ZNF646: variants seen among roughly 807,000 people sequenced by gnomAD.
ZNF646 encodes the protein zinc finger protein 646.
Under a neutral mutation model 115.4 loss-of-function variants are expected in ZNF646, and 49 were observed. The observed-to-expected ratio is 0.42, with a 90% CI of 0.34 to 0.54. The LOEUF (loss-of-function observed/expected upper bound fraction) is 0.54. ZNF646 is among the 20% of genes least tolerant of loss of function. The pLI, the probability that ZNF646 is intolerant of heterozygous loss-of-function variation, is 0.04. For missense variants in ZNF646, 2,269 were observed against 2,457.9 expected (o/e 0.92, Z 1.62); for synonymous variants, 933 against 939.0 (o/e 0.99, Z 0.12).
Position 31,080,813 on chromosome 16 carries a change from CCTTGCCACGCTGGTGACTGCCAGCTCAA to C in ZNF646, c.4490_4517del (p.Pro1497LeufsTer5). 1 of 1,614,116 alleles carries C rather than the reference CCTTGCCACGCTGGTGACTGCCAGCTCAA, an allele frequency of 6.2e-7. No individual in the cohort carries two copies. The highest frequency in any genetic ancestry group is 8.5e-7 in the Non-Finnish European group (1 of 1,180,018). ...GCCAGAGGACAGTGTCCACAGGAGT[CCTTGCCACGCTGGTGACTGCCAGCTCAA>C]TGGACCTACTCTGAGTCACATGGAT... On this transcript the variant is annotated frameshift_variant, in exon 2 of 3. Coordinates refer to ENST00000300850, the MANE Select transcript of ZNF646 (RefSeq NM_014699.4). LOFTEE classifies it high-confidence loss of function.
At chr16:31,073,313 G>A (rs2143786283), upstream of ZNF646, 1 of 152,572 alleles carries the variant, frequency 6.6e-6, no homozygotes, top group Non-Finnish European at 1.5e-5. Context: ...AGCAGGGGAG[G>A]GGGCCGCCGG....
chr16:31,080,916 C>T lies in ZNF646; in HGVS notation c.4592C>T (p.Ser1531Phe), dbSNP rs1348749083. Residue 1531 changes from serine to phenylalanine, a missense_variant, in exon 2 of 3, where the codon TCC (serine) becomes TTC (phenylalanine). By Grantham distance (155) the Ser-to-Phe change is radical. Coordinates refer to ENST00000300850, the MANE Select transcript of ZNF646 (RefSeq NM_014699.4). ...TCTCAGCTGCAGCCAGGGAGCCACT[C>T]CTCTTGCAGCCAGTGTGGCAAGACT... The part of the protein sequence containing the change: ...NSSQLQPGSH[S>F]SCSQCGKTYC... 6.2e-7 allele frequency: 1 copy of T among 1,614,116 alleles called. No homozygotes were observed. Among genetic ancestry groups the T allele is most frequent in the African/African-American group, 1.3e-5 (1 of 75,056 alleles).
chr16:31,081,458 C>G lies in ZNF646; in HGVS notation c.5134C>G (p.Leu1712Val). 6.2e-7 allele frequency: 1 copy of G among 1,614,224 alleles called. No individual in the cohort carries two copies. The highest frequency in any genetic ancestry group is 8.5e-7 in the Non-Finnish European group (1 of 1,180,038). The change falls in exon 2 of 3, where the codon CTT becomes GTT. Residue 1712 changes from leucine (L) to valine (V), a missense_variant. Around this residue, in one of 5 missense-constraint regions of ZNF646, gnomAD observed 1,062 missense variants for 1,172.8 expected, o/e 0.91. Transcript: ENST00000300850. ...GTACCCGTGCTCCCTCTGTCCCAAA[C>G]TTCTCCCTAACCTGCTGTCTCTTAA... ...GLYPCSLCPKLLPNLLSLKNH... is the reference protein window; with the variant it reads ...GLYPCSLCPKVLPNLLSLKNH...
rs2057093252 is a variant in ZNF646 at position 31,077,501 on chromosome 16, C to T, written c.1177C>T (p.Arg393Ter). Residue 393 changes from arginine (R) to a stop codon, truncating the protein, a stop_gained, in exon 2 of 3, where the codon CGA becomes TGA. Coordinates refer to ENST00000300850, the MANE Select transcript of ZNF646 (RefSeq NM_014699.4). LOFTEE classifies it high-confidence loss of function. ...CCATGCTGGGAGCCTCATCAACCAT[C>T]GAAAGAGCCACCAGACAGGTGTCTA... Reference protein sequence around the residue: ...YRHAGSLINHRKSHQTGVYPC... With the variant: ...YRHAGSLINH 1 of 1,613,440 alleles carries T rather than the reference C, an allele frequency of 6.2e-7. No individual in the cohort carries two copies. The highest frequency in any genetic ancestry group is 8.5e-7 in the Non-Finnish European group (1 of 1,179,916).
rs1470331590 is a variant in ZNF646, at chr16:31,080,591, G to A, written c.4267G>A (p.Ala1423Thr). The part of the protein sequence containing the change: ...SQGLETQLGG[A>T]EPVPHLEDGV... ...GGGACTAGAGACCCAATTGGGTGGT[G>A]CTGAGCCAGTACCCCACTTGGAGGA... is the stretch of plus-strand genomic sequence containing the variant. Residue 1423 changes from alanine to threonine, a missense_variant, in exon 2 of 3, where the codon GCT (alanine) becomes ACT (threonine). Around this residue, in one of 5 missense-constraint regions of ZNF646, gnomAD observed 1,062 missense variants for 1,172.8 expected, o/e 0.91. Coordinates refer to ENST00000300850, the MANE Select transcript of ZNF646 (RefSeq NM_014699.4). The A allele has an allele frequency of 1.2e-6, 2 of 1,614,178 alleles. No homozygotes were observed. The highest frequency in any genetic ancestry group is 3.3e-5 in the Admixed American group (2 of 60,028).
In ZNF646 at chr16:31,078,057, G is replaced by A. The variant is rs373805577; in HGVS notation, c.1733G>A (p.Ser578Asn). The change falls in exon 2 of 3, where the codon AGC (serine) becomes AAC (asparagine). Residue 578 changes from serine (S) to asparagine (N), a missense_variant. Physicochemically the swap from Ser to Asn is conservative, Grantham distance 46. Transcript: ENST00000300850. The part of the protein sequence containing the change: ...AADKTAAHIC[S>N]ICGLLFEDAE... ...GACAAGACAGCAGCACATATCTGTA[G>A]CATCTGTGGGCTGCTCTTTGAAGAC... 5.0e-6 allele frequency: 8 copies of A among 1,614,230 alleles called. No homozygotes were observed. In the African/African-American group the frequency reaches 9.3e-5, roughly 19 times the overall value.
At chr16:31,082,285 T>G (rs1224033472) in intron 2 of ZNF646, 1 of 173,620 alleles carries the variant, frequency 5.8e-6, no homozygotes. Context: ...AAACTAGACC[T>G]CTGGTCCTTC....
At position 31,075,133 on chromosome 16, in the gene ZNF646, G is replaced by A. The variant is rs188842748; in HGVS notation, c.-80+502G>A. 3.7e-4 allele frequency among the ~76,000 whole-genome samples: 56 copies of A among 152,178 alleles called. 1 individual carries two copies. The highest frequency in any genetic ancestry group is 1.3e-3 in the African/African-American group (56 of 41,530). On this transcript the variant is annotated intron_variant, in intron 1 of 2. Transcript: ENST00000300850. ...ATCATCAGTATTAAGAGAGGAGGCA[G>A]AAGAAAAAAATGAGAAAGACTGGTG... is the stretch of plus-strand genomic sequence containing the variant.
rs2057201447 is a variant in ZNF646, at chr16:31,084,189, C to T, written c.*1097C>T. 1.2e-6 allele frequency: 2 copies of T among 1,609,698 alleles called. No homozygotes were observed. Among genetic ancestry groups the T allele is most frequent in the Non-Finnish European group, 1.7e-6 (2 of 1,178,320 alleles). ...CCTCGGCGAAGTAGACCTGCCAGTC[C>T]AAACTGCTGACCCAGTCCTCATAGG... is the stretch of plus-strand genomic sequence containing the variant. On this transcript the variant is annotated 3_prime_UTR_variant, in exon 3 of 3. Coordinates refer to ENST00000300850, the MANE Select transcript of ZNF646 (RefSeq NM_014699.4).
rs1356244676 is a variant in ZNF646 at position 31,078,390 on chromosome 16, T to C, written c.2066T>C (p.Leu689Pro). The C allele has an allele frequency of 1.2e-6, 2 of 1,611,922 alleles. No individual in the cohort carries two copies. The change falls in exon 2 of 3, where the codon CTC becomes CCC. Residue 689 changes from leucine (L) to proline (P), a missense_variant. Leu to Pro is a moderately conservative substitution (Grantham distance 98, BLOSUM62 -3). Coordinates refer to ENST00000300850, the MANE Select transcript of ZNF646 (RefSeq NM_014699.4). ...GGASGGREAK[L>P]LAAESWTREL... ...GCCAGCGGTGGGAGAGAAGCCAAAC[T>C]CCTGGCAGCGGAGAGCTGGACCCGG...
Position 31,084,047 on chromosome 16 carries a change from C to A in ZNF646, c.*955C>A. 7 of 1,522,208 alleles carry A rather than the reference C, an allele frequency of 4.6e-6. No homozygotes were observed. Among genetic ancestry groups the A allele is most frequent in the Non-Finnish European group, 6.2e-6 (7 of 1,132,428 alleles). 94.3% of individuals were successfully genotyped at this position (1,522,208 alleles called of 1,614,324 possible). A position where few individuals can be genotyped will look rare whatever the true frequency, so the allele number is the denominator to read the frequency against. ...CCAAGGCAGCTGGAGTGGGTTAGAA[C>A]GGCACGTTCTCACTGGAGAGAGAAG... On this transcript the variant is annotated 3_prime_UTR_variant, in exon 3 of 3. Transcript: ENST00000300850.
At position 31,081,619 on chromosome 16, in the gene ZNF646, T is replaced by C. The variant is rs1205782108; in HGVS notation, c.5295T>C (p.His1765=). ...GGGAGGGGCCTTTCACCTGCCCCCA[T>C]TGTCCCCGCCACTTCCGCCGCCGAA... is the stretch of plus-strand genomic sequence containing the variant. ...APREGPFTCP[H]CPRHFRRRIS... Residue 1765 remains histidine (H), a synonymous_variant, in exon 2 of 3, where the codon CAT becomes CAC. Coordinates refer to ENST00000300850, the MANE Select transcript of ZNF646 (RefSeq NM_014699.4). 3.7e-6 allele frequency: 6 copies of C among 1,602,194 alleles called. No individual in the cohort carries two copies. The South Asian group carries it at 5.6e-5, about 15-fold the overall frequency.
At position 31,083,057 on chromosome 16, in the gene ZNF646, C is replaced by T; in HGVS notation, c.5464C>T (p.Pro1822Ser). Residue 1822 changes from proline to serine, a missense_variant, in exon 3 of 3, where the codon CCC (proline) becomes TCC (serine). By Grantham distance (74) the Pro-to-Ser change is moderately conservative. This residue lies in a region of ZNF646 where 1,062 missense variants were observed against 1,172.8 expected (regional missense o/e 0.91). Transcript: ENST00000300850. ...TPTTPLLDPS[P>S]QWPADLSFSL ...CACGACCCCACTCCTGGATCCTTCA[C>T]CCCAGTGGCCTGCAGACCTCAGCTT... The T allele has an allele frequency of 3.1e-6, 5 of 1,604,052 alleles. No individual in the cohort carries two copies. Among genetic ancestry groups the T allele is most frequent in the Non-Finnish European group, 4.3e-6 (5 of 1,176,302 alleles).
chr16:31,082,692 G>C (rs1386963149), intron 2 of ZNF646: 1 of 456,100 alleles, frequency 2.2e-6, no homozygotes, highest in Non-Finnish European at 4.0e-6. Context: ...CCCTGAGATG[G>C]TGGGCCCTTG....
In ZNF646 at chr16:31,077,938, G is replaced by T; in HGVS notation, c.1614G>T (p.Pro538=). ...GAPSHLKVEL[P]PDPVEAEAAP... ...CCAGCCACCTCAAGGTAGAACTCCC[G>T]CCTGACCCAGTGGAGGCAGAGGCAG... Residue 538 remains proline (P), a synonymous_variant, in exon 2 of 3, where the codon CCG becomes CCT. Coordinates refer to ENST00000300850, the MANE Select transcript of ZNF646 (RefSeq NM_014699.4). The T allele has an allele frequency of 6.2e-7, 1 of 1,613,868 alleles. No individual in the cohort carries two copies. The highest frequency in any genetic ancestry group is 8.5e-7 in the Non-Finnish European group (1 of 1,180,022).
intron 1 of ZNF646, among the ~76,000 whole-genome samples, chr16:31,075,329 G>A (rs960072658): frequency 2.0e-5 from 3 of 152,074 alleles, no homozygotes; most frequent in African/African-American, 4.8e-5. Flanking sequence ...ATGGAGTCTC[G>A]CTCTGTCACC....
rs2057128356 is a variant in ZNF646, at chr16:31,079,659, G to A, written c.3335G>A (p.Gly1112Glu). Residue 1112 changes from glycine (G) to glutamate (E), a missense_variant, in exon 2 of 3, where the codon GGG becomes GAG. This residue lies in a region of ZNF646 where 1,062 missense variants were observed against 1,172.8 expected (regional missense o/e 0.91). Transcript: ENST00000300850. The surrounding 1 kb of genome is among the most constrained non-coding windows in gnomAD (Gnocchi z 5.5). Reference sequence around the variant, plus strand: ...TGCAAAGGCTCTGAGCCCCAGGTTGGGCCCATCCCAGAGGCAGCAGGTAGC... The same window carrying A: ...TGCAAAGGCTCTGAGCCCCAGGTTGAGCCCATCCCAGAGGCAGCAGGTAGC... ...PRCKGSEPQV[G>E]PIPEAAGSSE... is the part of the protein sequence containing the mutation. The A allele has an allele frequency of 8.7e-6, 14 of 1,613,392 alleles. No individual in the cohort carries two copies. In the East Asian group the frequency reaches 3.1e-4, roughly 36 times the overall value.
Position 31,079,976 on chromosome 16 carries a change from C to T in ZNF646, c.3652C>T (p.Leu1218Phe), listed in dbSNP as rs2057132773. The change falls in exon 2 of 3, where the codon CTC (leucine) becomes TTC (phenylalanine). Residue 1218 changes from leucine to phenylalanine, a missense_variant. Coordinates refer to ENST00000300850, the MANE Select transcript of ZNF646 (RefSeq NM_014699.4). The surrounding 1 kb of genome is among the most constrained non-coding windows in gnomAD (Gnocchi z 5.5). ...CGRSYKHAGS[L>F]INHRQSHQTG... Reference sequence around the variant, plus strand: ...CCGATCCTACAAGCACGCCGGCAGCCTCATCAACCACCGGCAGAGCCACCA... The same window carrying T: ...CCGATCCTACAAGCACGCCGGCAGCTTCATCAACCACCGGCAGAGCCACCA... The T allele has an allele frequency of 6.2e-7, 1 of 1,608,956 alleles. No individual in the cohort carries two copies. The highest frequency in any genetic ancestry group is 1.3e-5 in the African/African-American group (1 of 74,826).
chr16:31,082,966 C>T lies in ZNF646; in HGVS notation c.5378-5C>T. ...GTTGGTGACCTCCTCTCTCTCTCCC[C>T]CCAGGAGCCCCAGTGGCACCAGTGA... On this transcript the variant is annotated splice_polypyrimidine_tract_variant and splice_region_variant and intron_variant, in intron 2 of 2. Coordinates refer to ENST00000300850, the MANE Select transcript of ZNF646 (RefSeq NM_014699.4). 6.3e-7 allele frequency: 1 copy of T among 1,580,806 alleles called. No homozygotes were observed. Among genetic ancestry groups the T allele is most frequent in the South Asian group, 1.1e-5 (1 of 87,486 alleles).
Sources: allele counts gnomAD v4.1 joint callset (sites outside exome capture counted in the v4.1 genomes callset), GRCh38; gene constraint gnomAD v4.1.1; regional missense constraint gnomAD v4.1.1; non-coding constraint Gnocchi (gnomAD v3.1); transcripts MANE v1.5; gene names NCBI Gene and HGNC (gene_info 2026-07-23, HGNC 2026-07-21).